PBX2: variants seen among roughly 807,000 people sequenced by gnomAD.
The protein encoded by PBX2 is PBX homeobox 2.
PBX2 carries 10 observed loss-of-function variants against 46.5 expected under a neutral mutation model. The ratio of observed to expected loss-of-function variants is 0.21; its 90% CI spans 0.13 to 0.36. The LOEUF is 0.36. PBX2 is among the 10% of genes least tolerant of loss of function. The pLI, the probability that PBX2 is intolerant of heterozygous loss-of-function variation, is 1.00. For synonymous variants in PBX2, 160 were observed against 222.5 expected (o/e 0.72, Z 2.50); for missense variants, 392 against 580.5 (o/e 0.68, Z 3.34).
Position 32,189,170 on chromosome 6 carries a change from T to C in PBX2, c.222-374A>G, listed in dbSNP as rs1159487210. 1.4e-5 allele frequency: 5 copies of C among 365,244 alleles called. No homozygotes were observed. Among genetic ancestry groups the C allele is most frequent in the Admixed American group, 1.2e-4 (3 of 25,722 alleles). The allele number at this position is 365,244 out of a possible 1,614,324, so 22.6% of individuals were successfully genotyped here. On this transcript the variant is annotated intron_variant, in intron 1 of 8. Transcript: ENST00000375050. The surrounding 1 kb of genome is among the most constrained non-coding windows in gnomAD (Gnocchi z 4.7). ...AGAGTCAGAGTTTGAGGTGGCAGAG[T>C]GGGGCTGGGGGTGCCGAGCTAACTG...
Position 32,189,804 on chromosome 6 carries a change from C to A in PBX2, c.112G>T (p.Gly38Cys). 3 of 1,595,604 alleles carry A rather than the reference C, an allele frequency of 1.9e-6. No homozygotes were observed. The highest frequency in any genetic ancestry group is 2.6e-6 in the Non-Finnish European group (3 of 1,170,512). The change falls in exon 1 of 9, where the codon GGT (glycine) becomes TGT (cysteine). Residue 38 changes from glycine to cysteine, a missense_variant. Physicochemically the swap from Gly to Cys is radical, Grantham distance 159. Around this residue, in one of 3 missense-constraint regions of PBX2, gnomAD observed 196 missense variants for 246.9 expected, o/e 0.79. Transcript: ENST00000375050. The surrounding 1 kb of genome is among the most constrained non-coding windows in gnomAD (Gnocchi z 4.7). ...CCCGGGACCCCCCCGCTACCCCCAC[C>A]GGGGTCTCCGCCACCGGGAGGCTCG... is the stretch of plus-strand genomic sequence containing the variant. ...PGEPPGGGDP[G>C]GGSGGVPGGR... is the part of the protein sequence containing the mutation.
At position 32,186,554 on chromosome 6, in the gene PBX2, C is replaced by A; in HGVS notation, c.1200+50G>T. 1 of 1,568,180 alleles carries A rather than the reference C, an allele frequency of 6.4e-7. No individual in the cohort carries two copies. Among genetic ancestry groups the A allele is most frequent in the Non-Finnish European group, 8.8e-7 (1 of 1,138,202 alleles). On this transcript the variant is annotated intron_variant, in intron 8 of 8. Transcript: ENST00000375050. The surrounding 1 kb of genome is among the most constrained non-coding windows in gnomAD (Gnocchi z 4.2). Reference sequence around the variant, plus strand: ...GGCACAACATTACTAGGGAAAATGCCCCTCTGTCCTGTGAGAACTGGACAG... The same window carrying A: ...GGCACAACATTACTAGGGAAAATGCACCTCTGTCCTGTGAGAACTGGACAG...
chr6:32,189,621 G>A lies in PBX2; in HGVS notation c.221+74C>T, dbSNP rs186524891. 6.0e-3 allele frequency: 6,792 copies of A among 1,133,772 alleles called. 44 individuals are homozygous for A. The highest frequency in any genetic ancestry group is 0.01 in the Middle Eastern group (38 of 3,720). 70.2% of individuals were successfully genotyped at this position (1,133,772 alleles called of 1,614,324 possible). A position where few individuals can be genotyped will look rare whatever the true frequency, so the allele number is the denominator to read the frequency against. On this transcript the variant is annotated intron_variant, in intron 1 of 8. Coordinates refer to ENST00000375050, the MANE Select transcript of PBX2 (RefSeq NM_002586.5). The surrounding 1 kb of genome is among the most constrained non-coding windows in gnomAD (Gnocchi z 4.7). ...TGGAGAGGGCCCTGGAGTTGGGGGG[G>A]GCTCCCAGAAGATTCAGAACATGTG...
chr6:32,186,527 T>C lies in PBX2; in HGVS notation c.1201-53A>G. ...CAGAGAAAGCCCTGGGAACCCTGTG[T>C]GGGCACAACATTACTAGGGAAAATG... On this transcript the variant is annotated intron_variant, in intron 8 of 8. Coordinates refer to ENST00000375050, the MANE Select transcript of PBX2 (RefSeq NM_002586.5). This position sits in a 1 kb window ranked among gnomAD's most constrained non-coding sequence, Gnocchi z 4.2. 7 of 1,579,796 alleles carry C rather than the reference T, an allele frequency of 4.4e-6. No homozygotes were observed. Among genetic ancestry groups the C allele is most frequent in the Non-Finnish European group, 6.1e-6 (7 of 1,148,828 alleles).
Position 32,189,849 on chromosome 6 carries a change from C to G in PBX2, c.67G>C (p.Gly23Arg). 1 of 1,569,690 alleles carries G rather than the reference C, an allele frequency of 6.4e-7. No individual in the cohort carries two copies. Among genetic ancestry groups the G allele is most frequent in the Non-Finnish European group, 8.6e-7 (1 of 1,156,338 alleles). ...GGCTCGCCAGGGCCCCCAGGCTCCCCACTCACCAATCCCAGGCCCCCCCGG... is the reference window on the plus strand; with the variant it reads ...GGCTCGCCAGGGCCCCCAGGCTCCCGACTCACCAATCCCAGGCCCCCCCGG... ...GGRGGLGLVSGEPGGPGEPPG... is the reference protein window; with the variant it reads ...GGRGGLGLVSREPGGPGEPPG... Residue 23 changes from glycine to arginine, a missense_variant, in exon 1 of 9, where the codon GGG (glycine) becomes CGG (arginine). This residue lies in a region of PBX2 where 196 missense variants were observed against 246.9 expected (regional missense o/e 0.79). Coordinates refer to ENST00000375050, the MANE Select transcript of PBX2 (RefSeq NM_002586.5). The surrounding 1 kb of genome is among the most constrained non-coding windows in gnomAD (Gnocchi z 4.7).
chr6:32,189,928 GC>G lies in PBX2; in HGVS notation c.-14del. ...GCCGTTCGTCCATAGCTGGGGGGGG[GC>G]CCTGAGGCCCCCTCCCTGCTCCGCC... On this transcript the variant is annotated 5_prime_UTR_variant, in exon 1 of 9. Coordinates refer to ENST00000375050, the MANE Select transcript of PBX2 (RefSeq NM_002586.5). This position sits in a 1 kb window ranked among gnomAD's most constrained non-coding sequence, Gnocchi z 4.7. The G allele has an allele frequency of 5.2e-6, 6 of 1,160,954 alleles. No individual in the cohort carries two copies. The highest frequency in any genetic ancestry group is 7.0e-6 in the Non-Finnish European group (6 of 862,668). 71.9% of individuals were successfully genotyped at this position (1,160,954 alleles called of 1,614,324 possible).
In PBX2 at chr6:32,188,948, G is replaced by T; in HGVS notation, c.222-152C>A. 1.5e-6 allele frequency: 1 copy of T among 664,410 alleles called. No homozygotes were observed. Among genetic ancestry groups the T allele is most frequent in the Admixed American group, 2.3e-5 (1 of 43,196 alleles). 41.2% of individuals were successfully genotyped at this position (664,410 alleles called of 1,614,324 possible). On this transcript the variant is annotated intron_variant, in intron 1 of 8. Coordinates refer to ENST00000375050, the MANE Select transcript of PBX2 (RefSeq NM_002586.5). This position sits in a 1 kb window ranked among gnomAD's most constrained non-coding sequence, Gnocchi z 6.5. ...GTTGGGGGTGGAATGAGGAGTTCTT[G>T]GGAAAAGATCAGCTCCCAGAGCATG...
Position 32,186,297 on chromosome 6 carries a change from G to C in PBX2, c.*85C>G. On this transcript the variant is annotated 3_prime_UTR_variant, in exon 9 of 9. Coordinates refer to ENST00000375050, the MANE Select transcript of PBX2 (RefSeq NM_002586.5). The surrounding 1 kb of genome is among the most constrained non-coding windows in gnomAD (Gnocchi z 4.2). Reference sequence around the variant, plus strand: ...CCCTTCTCTGTCTTGTGCTTCTCCTGTATTGGGGTTTGTCCTCTGGAAGCC... The same window carrying C: ...CCCTTCTCTGTCTTGTGCTTCTCCTCTATTGGGGTTTGTCCTCTGGAAGCC... 1 of 879,262 alleles carries C rather than the reference G, an allele frequency of 1.1e-6. No individual in the cohort carries two copies. Among genetic ancestry groups the C allele is most frequent in the Non-Finnish European group, 1.9e-6 (1 of 534,556 alleles). The allele number at this position is 879,262 out of a possible 1,614,324, so 54.5% of individuals were successfully genotyped here. A position where few individuals can be genotyped will look rare whatever the true frequency, so the allele number is the denominator to read the frequency against.
rs1292349897 is a variant in PBX2, at chr6:32,189,379, C to T, written c.221+316G>A. 6.6e-6 allele frequency among the ~76,000 whole-genome samples: 1 copy of T among 151,920 alleles called. No homozygotes were observed. The highest frequency in any genetic ancestry group is 1.9e-4 in the East Asian group (1 of 5,166). ...GAGTTAGGGGAGAAGATAACGTAGC[C>T]CAAGAACAGTTTCTTAGTCTGGGAG... is the stretch of plus-strand genomic sequence containing the variant. On this transcript the variant is annotated intron_variant, in intron 1 of 8. Transcript: ENST00000375050. This position sits in a 1 kb window ranked among gnomAD's most constrained non-coding sequence, Gnocchi z 4.7.
chr6:32,188,383 T>A lies in PBX2; in HGVS notation c.417A>T (p.Ala139=). ...CACCAGAGGCTGCAGCGGCTGCAGC[T>A]GCTGCTGCTGAGCCGCCCCCTTTCT... The part of the protein sequence containing the change: ...GPEKGGGSAA[A]AAAAAASGGG... The change falls in exon 3 of 9, where the codon GCA becomes GCT. Residue 139 remains alanine (A), a synonymous_variant. Transcript: ENST00000375050. The surrounding 1 kb of genome is among the most constrained non-coding windows in gnomAD (Gnocchi z 6.5). 2 of 1,613,224 alleles carry A rather than the reference T, an allele frequency of 1.2e-6. No individual in the cohort carries two copies.
At position 32,187,145 on chromosome 6, in the gene PBX2, A is replaced by G. The variant is rs1187689294; in HGVS notation, c.1024+97T>C. 8 of 1,486,442 alleles carry G rather than the reference A, an allele frequency of 5.4e-6. No individual in the cohort carries two copies. The highest frequency in any genetic ancestry group is 5.5e-6 in the Non-Finnish European group (6 of 1,083,242). The allele number at this position is 1,486,442 out of a possible 1,614,324, so 92.1% of individuals were successfully genotyped here. A position where few individuals can be genotyped will look rare whatever the true frequency, so the allele number is the denominator to read the frequency against. On this transcript the variant is annotated intron_variant, in intron 6 of 8. Transcript: ENST00000375050. The surrounding 1 kb of genome is among the most constrained non-coding windows in gnomAD (Gnocchi z 7.7). The stretch of plus-strand genomic sequence containing the variant: ...TCTCAGCTCGGTCCCTCTCACCCCA[A>G]AAGGCCCCCTCTCTGCTATGATCCT...
Position 32,186,912 on chromosome 6 carries a change from CAG to C in PBX2, c.1025-13_1025-12del. On this transcript the variant is annotated splice_polypyrimidine_tract_variant and intron_variant, in intron 6 of 8. Transcript: ENST00000375050. This position sits in a 1 kb window ranked among gnomAD's most constrained non-coding sequence, Gnocchi z 4.2. ...AAGAGCCGCCAGAGCCTTGTGGGGG[CAG>C]AGAGGGAAGAGTGTAATAGAGCCCG... is the stretch of plus-strand genomic sequence containing the variant. 1 of 1,611,804 alleles carries C rather than the reference CAG, an allele frequency of 6.2e-7. No homozygotes were observed. Among genetic ancestry groups the C allele is most frequent in the Non-Finnish European group, 8.5e-7 (1 of 1,178,830 alleles).
Position 32,186,138 on chromosome 6 carries a change from A to G in PBX2, c.*244T>C, listed in dbSNP as rs554662454. On this transcript the variant is annotated 3_prime_UTR_variant, in exon 9 of 9. Coordinates refer to ENST00000375050, the MANE Select transcript of PBX2 (RefSeq NM_002586.5). This position sits in a 1 kb window ranked among gnomAD's most constrained non-coding sequence, Gnocchi z 4.2. ...ATGTGTATGTTTCTGTGTAAGAAAGAAAGCGAGAGAGGAAAAAGATGGAAA... is the reference window on the plus strand; with the variant it reads ...ATGTGTATGTTTCTGTGTAAGAAAGGAAGCGAGAGAGGAAAAAGATGGAAA... The G allele has an allele frequency of 6.0e-5, 34 of 568,406 alleles. 1 individual carries two copies. The South Asian group carries it at 8.0e-4, about 13-fold the overall frequency. 35.2% of individuals were successfully genotyped at this position (568,406 alleles called of 1,614,324 possible). A position where few individuals can be genotyped will look rare whatever the true frequency, so the allele number is the denominator to read the frequency against.
At position 32,189,102 on chromosome 6, in the gene PBX2, T is replaced by G. The variant is rs1787280603; in HGVS notation, c.222-306A>C. The G allele has an allele frequency of 2.0e-6, 1 of 490,110 alleles. No individual in the cohort carries two copies. Among genetic ancestry groups the G allele is most frequent in the Non-Finnish European group, 3.7e-6 (1 of 270,106 alleles). 30.4% of individuals were successfully genotyped at this position (490,110 alleles called of 1,614,324 possible). A position where few individuals can be genotyped will look rare whatever the true frequency, so the allele number is the denominator to read the frequency against. ...GAGTGGATGGAGAAAGGAAAGTGACTTGGTAGGTTTCAGAGGGAGAGAGAC... is the reference window on the plus strand; with the variant it reads ...GAGTGGATGGAGAAAGGAAAGTGACGTGGTAGGTTTCAGAGGGAGAGAGAC... On this transcript the variant is annotated intron_variant, in intron 1 of 8. Coordinates refer to ENST00000375050, the MANE Select transcript of PBX2 (RefSeq NM_002586.5). The surrounding 1 kb of genome is among the most constrained non-coding windows in gnomAD (Gnocchi z 4.7).
chr6:32,187,162 T>C lies in PBX2; in HGVS notation c.1024+80A>G. ...TCACCCCAAAAGGCCCCCTCTCTGC[T>C]ATGATCCTGCCTAGATAGGAAGTGG... On this transcript the variant is annotated intron_variant, in intron 6 of 8. Coordinates refer to ENST00000375050, the MANE Select transcript of PBX2 (RefSeq NM_002586.5). The surrounding 1 kb of genome is among the most constrained non-coding windows in gnomAD (Gnocchi z 7.7). The C allele has an allele frequency of 6.4e-7, 1 of 1,573,004 alleles. No homozygotes were observed. The highest frequency in any genetic ancestry group is 1.1e-5 in the South Asian group (1 of 89,224).
At position 32,185,562 on chromosome 6, in the gene PBX2, A is replaced by AT. The variant is rs1787010187; in HGVS notation, c.*819dup. On this transcript the variant is annotated 3_prime_UTR_variant, in exon 9 of 9. Coordinates refer to ENST00000375050, the MANE Select transcript of PBX2 (RefSeq NM_002586.5). ...AAAAAGACAAGAAATCAACATATTT[A>AT]TAAAAAAAAAAACAAGCTACTTCCC... 6.8e-6 allele frequency: 1 copy of AT among 146,714 alleles called. No individual in the cohort carries two copies. Among genetic ancestry groups the AT allele is most frequent in the Non-Finnish European group, 1.5e-5 (1 of 65,942 alleles). The allele number at this position is 146,714 out of a possible 1,614,324, so 9.1% of individuals were successfully genotyped here. A position where few individuals can be genotyped will look rare whatever the true frequency, so the allele number is the denominator to read the frequency against.
At position 32,190,001 on chromosome 6, in the gene PBX2, TGCTCCCTCC is replaced by T. The variant is rs1787362700; in HGVS notation, c.-95_-87del. On this transcript the variant is annotated 5_prime_UTR_variant, in exon 1 of 9. Transcript: ENST00000375050. The stretch of plus-strand genomic sequence containing the variant: ...CTCCCCCCAAACTCGCTGGGGCCGC[TGCTCCCTCC>T]GCCCCAACCCCCGCCCGTCTGCCCC... 1 of 588,716 alleles carries T rather than the reference TGCTCCCTCC, an allele frequency of 1.7e-6. No individual in the cohort carries two copies. Among genetic ancestry groups the T allele is most frequent in the Non-Finnish European group, 2.7e-6 (1 of 363,812 alleles). 36.5% of individuals were successfully genotyped at this position (588,716 alleles called of 1,614,324 possible).
In PBX2 at chr6:32,186,901, C is replaced by T; in HGVS notation, c.1025G>A (p.Gly342Asp). 2 of 1,613,148 alleles carry T rather than the reference C, an allele frequency of 1.2e-6. No homozygotes were observed. The highest frequency in any genetic ancestry group is 2.2e-5 in the South Asian group (2 of 91,040). ...TGAGAGATTGAAAGAGCCGCCAGAG[C>T]CTTGTGGGGGCAGAGAGGGAAGAGT... ...TSSPTPPSSA[G>D]SGGSFNLSGS... is the part of the protein sequence containing the mutation. The change falls in exon 7 of 9, where the codon GGC becomes GAC. Residue 342 changes from glycine (G) to aspartate (D), a missense_variant and splice_region_variant. By Grantham distance (94) the Gly-to-Asp change is moderately conservative (BLOSUM62 -1). Coordinates refer to ENST00000375050, the MANE Select transcript of PBX2 (RefSeq NM_002586.5). The surrounding 1 kb of genome is among the most constrained non-coding windows in gnomAD (Gnocchi z 4.2).
Position 32,189,973 on chromosome 6 carries a change from C to A in PBX2, c.-58G>T. ...CTCCGCCCCTCCCCCCGCCTGGTTACTTCTCCCCCCAAACTCGCTGGGGCC... is the reference window on the plus strand; with the variant it reads ...CTCCGCCCCTCCCCCCGCCTGGTTAATTCTCCCCCCAAACTCGCTGGGGCC... On this transcript the variant is annotated 5_prime_UTR_variant, in exon 1 of 9. Transcript: ENST00000375050. This position sits in a 1 kb window ranked among gnomAD's most constrained non-coding sequence, Gnocchi z 4.7. 2 of 788,976 alleles carry A rather than the reference C, an allele frequency of 2.5e-6. No homozygotes were observed. Among genetic ancestry groups the A allele is most frequent in the Non-Finnish European group, 3.7e-6 (2 of 536,658 alleles). 48.9% of individuals were successfully genotyped at this position (788,976 alleles called of 1,614,324 possible).
Sources: gnomAD v4.1 joint callset for allele counts (sites outside exome capture counted in the v4.1 genomes callset) on GRCh38, gnomAD v4.1.1 for gene constraint, gnomAD v4.1.1 regional missense constraint, Gnocchi (gnomAD v3.1) non-coding constraint, MANE v1.5 for transcripts, NCBI Gene and HGNC (gene_info 2026-07-23, HGNC 2026-07-21) for gene names.